Variants in ULK4 observed in about 807,000 individuals in gnomAD.
The protein encoded by ULK4 is inactive serine/threonine-protein kinase ULK4.
Under a neutral mutation model 160.6 loss-of-function variants are expected in ULK4, and 133 were observed. The observed-to-expected ratio is 0.83, with a 90% CI of 0.72 to 0.96. The LOEUF is 0.96. Among genes scored for constraint, ULK4 ranks in the 40% least tolerant of loss-of-function variants. ULK4 has a pLI of 0.00. For missense variants in ULK4, 1,580 were observed against 1,499.5 expected (o/e 1.05, Z -0.89); for synonymous variants, 534 against 539.8 (o/e 0.99, Z 0.15).
At chr3:41,586,098 A>G (rs1256355) in intron 31 of ULK4, among the ~76,000 whole-genome samples, 139,969 of 152,202 alleles carry the variant, frequency 0.92, 64,782 homozygotes, top group Middle Eastern at 0.97. Flanking sequence ...GAGGTTACTC[A>G]AAACATTTAA....
At chr3:41,807,652 A>G (rs1187329249) in intron 19 of ULK4, among the ~76,000 whole-genome samples, 2 of 152,226 alleles carry the variant, frequency 1.3e-5, no homozygotes, top group African/African-American at 4.8e-5. Context: ...TAAATTCTCA[A>G]TAAATGTTAG....
intron 22 of ULK4, among the ~76,000 whole-genome samples, chr3:41,730,001 T>C (rs113824511): frequency 0.012 from 1,764 of 152,322 alleles, 36 homozygotes; most frequent in African/African-American, 0.04. Flanking sequence ...GGAGAAACTC[T>C]GGAAGCTATA....
At chr3:41,667,179 C>T (rs1419545611) in intron 29 of ULK4, among the ~76,000 whole-genome samples, 1 of 151,044 alleles carries the variant, frequency 6.6e-6, no homozygotes, top group Admixed American at 6.6e-5. Context: ...AAAACACACA[C>T]ACAAAAAAAA....
At chr3:41,598,637 C>T (rs1159990293) in intron 31 of ULK4, among the ~76,000 whole-genome samples, 12 of 151,982 alleles carry the variant, frequency 7.9e-5, no homozygotes, top group Admixed American at 2.6e-4. Flanking sequence ...GCTATTTTTA[C>T]GGCCCAGAGA....
In ULK4 at chr3:41,879,457, T is replaced by C. The variant is rs143425479; in HGVS notation, c.1656+4417A>G. On this transcript the variant is annotated intron_variant, in intron 17 of 36. Transcript: ENST00000301831. ...AGCAAATGATACTACCTCATTACTC[T>C]AGCCTCTCTACTTCTATATATGTTG... 2.2e-3 allele frequency among the ~76,000 whole-genome samples: 329 copies of C among 152,192 alleles called. 2 individuals carry two copies. The highest frequency in any genetic ancestry group is 7.6e-3 in the African/African-American group (314 of 41,548).
At chr3:41,764,221 A>G (rs2039082858) in intron 21 of ULK4, among the ~76,000 whole-genome samples, 1 of 152,214 alleles carries the variant, frequency 6.6e-6, no homozygotes, top group South Asian at 2.1e-4. Flanking sequence ...ATATTTAAAT[A>G]CATTTTCTTA....
At chr3:41,823,564 C>G (rs2041222492) in intron 18 of ULK4, among the ~76,000 whole-genome samples, 1 of 152,226 alleles carries the variant, frequency 6.6e-6, no homozygotes, top group South Asian at 2.1e-4. Flanking sequence ...CTCTGGTCTT[C>G]TGTCTGTAAG....
At chr3:41,626,800 A>G (rs749429200) in intron 30 of ULK4, among the ~76,000 whole-genome samples, 3 of 152,128 alleles carry the variant, frequency 2.0e-5, no homozygotes, top group Non-Finnish European at 4.4e-5. Context: ...TGCTGGGATT[A>G]TAAGCGTGAG....
At chr3:41,606,100 C>T (rs190269878) in intron 31 of ULK4, among the ~76,000 whole-genome samples, 70 of 151,970 alleles carry the variant, frequency 4.6e-4, no homozygotes, top group African/African-American at 1.6e-3. Context: ...TAAGGCAGTG[C>T]TTAGGGGGAC....
At chr3:41,785,169 A>T (rs1206251298) in intron 21 of ULK4, among the ~76,000 whole-genome samples, 3 of 152,204 alleles carry the variant, frequency 2.0e-5, no homozygotes, top group African/African-American at 7.2e-5. Flanking sequence ...GATGAGTAGC[A>T]ACCAAAAAAC....
chr3:41,754,256 TAAA>T, intron 22 of ULK4, 102 bp downstream of exon 22: 3 of 1,296,846 alleles, frequency 2.3e-6, no homozygotes, highest in Non-Finnish European at 3.1e-6. Flanking sequence ...GAAAAACTCT[TAAA>T]AAAAAATACC....
At chr3:41,548,469 C>G (rs1041884413) in intron 32 of ULK4, among the ~76,000 whole-genome samples, 2 of 152,134 alleles carry the variant, frequency 1.3e-5, no homozygotes, top group African/African-American at 4.8e-5. Flanking sequence ...CCCAAGCACA[C>G]TGTGTCAGGA....
chr3:41,518,379 T>G (rs1007475326), intron 32 of ULK4, among the ~76,000 whole-genome samples: 1 of 152,202 alleles, frequency 6.6e-6, no homozygotes, highest in African/African-American at 2.4e-5. Flanking sequence ...TTCTGCAGGC[T>G]TTAACAATAA....
At chr3:41,772,293 A>G (rs2039418019) in intron 21 of ULK4, among the ~76,000 whole-genome samples, 1 of 152,306 alleles carries the variant, frequency 6.6e-6, no homozygotes, top group Middle Eastern at 3.4e-3. Flanking sequence ...TGGTTTTTTG[A>G]AAAGATCAAC....
At chr3:41,606,808 A>G (rs2032403963) in intron 31 of ULK4, among the ~76,000 whole-genome samples, 1 of 151,776 alleles carries the variant, frequency 6.6e-6, no homozygotes, top group Non-Finnish European at 1.5e-5. Context: ...TTTTAACTGG[A>G]TTATTTGTTT....
chr3:41,897,653 T>C (rs1253796095), intron 14 of ULK4, among the ~76,000 whole-genome samples: 1 of 152,198 alleles, frequency 6.6e-6, no homozygotes, highest in Non-Finnish European at 1.5e-5. Context: ...ATAGTCCTAC[T>C]TGGCACTGAA....
intron 1 of ULK4, 57 bp from the exon 2 acceptor site, chr3:41,954,864 G>T: frequency 4.4e-6 from 5 of 1,148,578 alleles, no homozygotes; most frequent in Non-Finnish European, 6.1e-6. Flanking sequence ...TAATTAATTA[G>T]CCTAGGATAA....
intron 35 of ULK4, among the ~76,000 whole-genome samples, chr3:41,363,924 T>A (rs1559546128): frequency 7.1e-6 from 1 of 140,612 alleles, no homozygotes; most frequent in Admixed American, 6.9e-5. Context: ...TCCATCCAAA[T>A]TCTCTCTCTT....
At chr3:41,551,554 C>A (rs1251420318) in intron 32 of ULK4, among the ~76,000 whole-genome samples, 1 of 151,614 alleles carries the variant, frequency 6.6e-6, no homozygotes, top group African/African-American at 2.4e-5. Context: ...TATACAACTG[C>A]CAAGATTGAA....
Sources: allele counts gnomAD v4.1 joint callset (sites outside exome capture counted in the v4.1 genomes callset), GRCh38; gene constraint gnomAD v4.1.1; transcripts MANE v1.5; gene names NCBI Gene and HGNC (gene_info 2026-07-23, HGNC 2026-07-21).